Variants in DNER observed in about 807,000 individuals in gnomAD.
DNER encodes delta/notch like EGF repeat containing.
A neutral mutation model predicts 78.2 loss-of-function variants in DNER; 33 were observed. The ratio of observed to expected loss-of-function variants is 0.42; its 90% CI spans 0.32 to 0.56. DNER has a LOEUF of 0.56. Ranked by LOEUF, DNER falls within the 20% of genes least tolerant of loss-of-function variation. The pLI is 0.11. For missense variants in DNER, 918 were observed against 975.3 expected, an observed-to-expected ratio of 0.94 and a Z score of 0.78; for synonymous variants, 417 against 384.8, an observed-to-expected ratio of 1.08 and a Z score of -0.98.
chr2:229,452,468 G>A (rs925659368), intron 7 of DNER, among the ~76,000 whole-genome samples: 3 of 151,974 alleles, frequency 2.0e-5, no homozygotes, highest in African/African-American at 7.2e-5. Flanking sequence ...CAGGGTCTGT[G>A]GCAAACGGGA....
At chr2:229,410,025 TC>T (rs1305979023) in intron 9 of DNER, among the ~76,000 whole-genome samples, 1 of 152,094 alleles carries the variant, frequency 6.6e-6, no homozygotes, top group Non-Finnish European at 1.5e-5. Flanking sequence ...GGCCCCCTCT[TC>T]CTGCCCTCCT....
At chr2:229,595,571 T>C (rs1031160128) in intron 1 of DNER, among the ~76,000 whole-genome samples, 5 of 152,214 alleles carry the variant, frequency 3.3e-5, no homozygotes, top group Admixed American at 6.5e-5. Context: ...CATGAGCCAC[T>C]GTGCCCAGCC....
chr2:229,544,689 C>T (rs529285858), intron 5 of DNER, among the ~76,000 whole-genome samples: 5 of 151,888 alleles, frequency 3.3e-5, no homozygotes, highest in African/African-American at 7.3e-5. Flanking sequence ...CCCACCACCA[C>T]GCCTGGCTAA....
intron 1 of DNER, among the ~76,000 whole-genome samples, chr2:229,677,271 G>A (rs147467252): frequency 1.8e-4 from 28 of 152,222 alleles, no homozygotes; most frequent in Admixed American, 8.5e-4. Flanking sequence ...CAAGGAGAGC[G>A]TCTGTTGTGG....
At position 229,698,980 on chromosome 2, in the gene DNER, G is replaced by T. The variant is rs145061699; in HGVS notation, c.276+15168C>A. Among the ~76,000 whole-genome samples, 279 of 152,268 alleles carry T rather than the reference G, an allele frequency of 1.8e-3. 2 individuals carry two copies. The highest frequency in any genetic ancestry group is 6.3e-3 in the African/African-American group (261 of 41,542). On this transcript the variant is annotated intron_variant, in intron 1 of 12. Coordinates refer to ENST00000341772, the MANE Select transcript of DNER (RefSeq NM_139072.4). Reference sequence around the variant, plus strand: ...AAATAAGGCTGTTCTCAAGGGGAAAGGAGCTAAAAATACAATATGGAGAGT... The same window carrying T: ...AAATAAGGCTGTTCTCAAGGGGAAATGAGCTAAAAATACAATATGGAGAGT...
intron 6 of DNER, among the ~76,000 whole-genome samples, chr2:229,502,445 G>A (rs1695641290): frequency 6.6e-6 from 1 of 152,112 alleles, no homozygotes; most frequent in Non-Finnish European, 1.5e-5. Flanking sequence ...CAATAAGAGA[G>A]ACAGAGACTG....
intron 10 of DNER, among the ~76,000 whole-genome samples, chr2:229,391,675 G>A (rs951014662): frequency 7.2e-5 from 11 of 152,068 alleles, no homozygotes; most frequent in African/African-American, 2.7e-4. Flanking sequence ...CCCAGTAGCT[G>A]GGATTACAGG....
intron 1 of DNER, among the ~76,000 whole-genome samples, chr2:229,656,922 T>C (rs962356482): frequency 6.6e-6 from 1 of 152,016 alleles, no homozygotes; most frequent in South Asian, 2.1e-4. Flanking sequence ...TTAATACACA[T>C]ATATATTGTA....
At chr2:229,467,454 G>C (rs1449052105) in intron 7 of DNER, among the ~76,000 whole-genome samples, 1 of 152,164 alleles carries the variant, frequency 6.6e-6, no homozygotes, top group Non-Finnish European at 1.5e-5. Flanking sequence ...CCAGTCTTCT[G>C]TCTGTTCAAC....
chr2:229,617,810 G>A (rs979091440), intron 1 of DNER, among the ~76,000 whole-genome samples: 6 of 151,992 alleles, frequency 3.9e-5, no homozygotes, highest in African/African-American at 9.7e-5. Context: ...AAATTAGCTC[G>A]GTGTGGTGGC....
intron 6 of DNER, among the ~76,000 whole-genome samples, chr2:229,497,666 A>T (rs1202932628): frequency 2.0e-5 from 3 of 152,114 alleles, no homozygotes; most frequent in Non-Finnish European, 4.4e-5. Flanking sequence ...ACAAAGAATT[A>T]CTCTAATACT....
chr2:229,462,053 A>G (rs1694714135), intron 7 of DNER, among the ~76,000 whole-genome samples: 2 of 152,148 alleles, frequency 1.3e-5, no homozygotes, highest in African/African-American at 4.8e-5. Context: ...GAGGAATGCA[A>G]ATAAAGTAAT....
At chr2:229,559,331 G>A (rs1696913309) in intron 4 of DNER, among the ~76,000 whole-genome samples, 1 of 152,088 alleles carries the variant, frequency 6.6e-6, no homozygotes, top group African/African-American at 2.4e-5. Flanking sequence ...GGGTGACAAG[G>A]CCCAGAACCA....
At chr2:229,704,314 C>T (rs900964775) in intron 1 of DNER, among the ~76,000 whole-genome samples, 1 of 152,172 alleles carries the variant, frequency 6.6e-6, no homozygotes. Flanking sequence ...AAGTTTAACA[C>T]GCACTTACCA....
At chr2:229,467,187 A>T (rs1694823803) in intron 7 of DNER, among the ~76,000 whole-genome samples, 2 of 152,182 alleles carry the variant, frequency 1.3e-5, no homozygotes, top group African/African-American at 4.8e-5. Context: ...AGGGACTCTA[A>T]ACATGACAAC....
At chr2:229,395,790 T>C (rs1693124468) in intron 10 of DNER, among the ~76,000 whole-genome samples, 1 of 151,972 alleles carries the variant, frequency 6.6e-6, no homozygotes, top group Admixed American at 6.6e-5. Flanking sequence ...CCCAGTTACT[T>C]GGGAGGCTGA....
At chr2:229,654,554 A>G (rs1457274843) in intron 1 of DNER, among the ~76,000 whole-genome samples, 1 of 152,178 alleles carries the variant, frequency 6.6e-6, no homozygotes, top group Non-Finnish European at 1.5e-5. Flanking sequence ...CCCATCCCAG[A>G]GGTTATGTTT....
chr2:229,400,832 T>C (rs527493875), intron 10 of DNER, among the ~76,000 whole-genome samples: 1 of 152,206 alleles, frequency 6.6e-6, no homozygotes, highest in South Asian at 2.1e-4. Flanking sequence ...AACACTTTCT[T>C]TGGAAGGAAG....
chr2:229,624,905 T>A (rs1481279111), intron 1 of DNER, among the ~76,000 whole-genome samples: 1 of 152,236 alleles, frequency 6.6e-6, no homozygotes, highest in African/African-American at 2.4e-5. Flanking sequence ...ACTCTGGGAC[T>A]CCAATTTCTA....
Sources: allele counts gnomAD v4.1 joint callset (sites outside exome capture counted in the v4.1 genomes callset), GRCh38; gene constraint gnomAD v4.1.1; transcripts MANE v1.5; gene names NCBI Gene and HGNC (gene_info 2026-07-23, HGNC 2026-07-21).